Variants in SLC13A3 observed in about 807,000 individuals in gnomAD.
SLC13A3 encodes the protein Na(+)/dicarboxylate cotransporter 3.
Under a neutral mutation model 59.0 loss-of-function variants are expected in SLC13A3, and 40 were observed. The observed-to-expected ratio is 0.68, with a 90% CI of 0.53 to 0.88. The LOEUF (loss-of-function observed/expected upper bound fraction) is 0.88. Ranked by LOEUF, SLC13A3 falls within the 40% of genes least tolerant of loss-of-function variation. The pLI is 0.00. For missense variants in SLC13A3, 699 were observed against 783.2 expected (o/e 0.89, Z 1.28); for synonymous variants, 317 against 330.3 (o/e 0.96, Z 0.44).
chr20:46,566,484 A>T (rs757263886), intron 10 of SLC13A3, 94 bp from the exon 11 acceptor site: 4 of 1,400,534 alleles, frequency 2.9e-6, no homozygotes, highest in Non-Finnish European at 3.9e-6. Context: ...TGACGACCAT[A>T]CCCCTTCCCA....
At chr20:46,614,185 G>A (rs1457952256) in intron 1 of SLC13A3, among the ~76,000 whole-genome samples, 1 of 152,160 alleles carries the variant, frequency 6.6e-6, no homozygotes, top group Non-Finnish European at 1.5e-5. Flanking sequence ...ATTCTGATGG[G>A]GACAGGGCAG....
Position 46,573,666 on chromosome 20 carries a change from A to T in SLC13A3, c.1332+1907T>A, listed in dbSNP as rs115496550. 4.2e-3 allele frequency among the ~76,000 whole-genome samples: 647 copies of T among 152,272 alleles called. 4 individuals carry two copies. Among genetic ancestry groups the T allele is most frequent in the African/African-American group, 0.014 (600 of 41,538 alleles). On this transcript the variant is annotated intron_variant, in intron 10 of 12. Coordinates refer to ENST00000279027, the MANE Select transcript of SLC13A3 (RefSeq NM_022829.6). ...GGCAGTTATTCTTTAATTTTTTCCAACAACCCTGTAGAGTAAGAACTTTGA... is the reference window on the plus strand; with the variant it reads ...GGCAGTTATTCTTTAATTTTTTCCATCAACCCTGTAGAGTAAGAACTTTGA...
chr20:46,629,008 A>C (rs1568945378), intron 1 of SLC13A3, among the ~76,000 whole-genome samples: 1 of 152,252 alleles, frequency 6.6e-6, no homozygotes, highest in Non-Finnish European at 1.5e-5. Flanking sequence ...TGTCTACATC[A>C]CAGAGGATTC....
At chr20:46,620,031 C>T (rs1261552218) in intron 1 of SLC13A3, among the ~76,000 whole-genome samples, 1 of 152,216 alleles carries the variant, frequency 6.6e-6, no homozygotes, top group African/African-American at 2.4e-5. Context: ...CTTCTCCATC[C>T]TCCTAACAAT....
At chr20:46,613,868 T>G (rs2062528833) in intron 1 of SLC13A3, 143 bp from the exon 2 acceptor site, 4 of 703,444 alleles carry the variant, frequency 5.7e-6, no homozygotes, top group Admixed American at 6.1e-5. Context: ...CTGCCCCGGC[T>G]TGTTCTCAGG....
At chr20:46,596,388 A>G (rs1456132926) in intron 4 of SLC13A3, 46 bp from the exon 5 acceptor site, 2 of 1,575,024 alleles carry the variant, frequency 1.3e-6, no homozygotes, top group South Asian at 1.1e-5. Context: ...CATGGAGAAC[A>G]GGCCACAGAC....
rs953826386 is a variant in SLC13A3 at position 46,607,834 on chromosome 20, G to A, written c.541+2612C>T. Reference sequence around the variant, plus strand: ...CAGTTTGGAAACTGCGTAACGGGGGGTGGGAGGACTCTTTTTAATTCCTTC... The same window carrying A: ...CAGTTTGGAAACTGCGTAACGGGGGATGGGAGGACTCTTTTTAATTCCTTC... On this transcript the variant is annotated intron_variant, in intron 3 of 12. Transcript: ENST00000279027. Among the ~76,000 whole-genome samples the A allele has an allele frequency of 5.3e-5, 8 of 152,344 alleles. No homozygotes were observed. The East Asian group carries it at 1.3e-3, about 26-fold the overall frequency.
At chr20:46,574,132 G>T (rs2694876) in intron 10 of SLC13A3, among the ~76,000 whole-genome samples, 134,184 of 152,160 alleles carry the variant, frequency 0.88, 59,474 homozygotes, top group East Asian at 0.99. Context: ...AGTGATAGTA[G>T]CTGATTCAGT....
chr20:46,568,192 G>A (rs959678151), intron 10 of SLC13A3, among the ~76,000 whole-genome samples: 2 of 151,730 alleles, frequency 1.3e-5, no homozygotes, highest in Non-Finnish European at 2.9e-5. Flanking sequence ...TCAGGAGTGC[G>A]AGATCAGACT....
intron 3 of SLC13A3, among the ~76,000 whole-genome samples, chr20:46,609,962 C>T (rs1486889080): frequency 6.6e-6 from 1 of 152,208 alleles, no homozygotes; most frequent in Non-Finnish European, 1.5e-5. Context: ...CCTTAAGAAA[C>T]TCTAACCCAG....
At chr20:46,643,088 T>G (rs2062859910) in intron 1 of SLC13A3, among the ~76,000 whole-genome samples, 1 of 152,002 alleles carries the variant, frequency 6.6e-6, no homozygotes, top group Non-Finnish European at 1.5e-5. Flanking sequence ...GACATACTTA[T>G]GAGCACCTAC....
chr20:46,605,166 T>C (rs918425085), intron 3 of SLC13A3, among the ~76,000 whole-genome samples: 2 of 152,218 alleles, frequency 1.3e-5, no homozygotes, highest in Non-Finnish European at 2.9e-5. Context: ...ATTAGCTTTA[T>C]CATATAAGAT....
chr20:46,666,563 G>A (rs538817950), intron 1 of SLC13A3, among the ~76,000 whole-genome samples: 12 of 152,004 alleles, frequency 7.9e-5, no homozygotes, highest in Admixed American at 2.0e-4. Flanking sequence ...GAGTGCAGTC[G>A]TGTGATCACG....
intron 8 of SLC13A3, 135 bp from the exon 9 acceptor site, chr20:46,583,804 G>T (rs2062163523): frequency 6.7e-7 from 1 of 1,483,600 alleles, no homozygotes. Flanking sequence ...CTGGGCCACT[G>T]GATTCTGTCC....
chr20:46,580,055 A>G (rs1305518219), intron 9 of SLC13A3, among the ~76,000 whole-genome samples: 1 of 151,970 alleles, frequency 6.6e-6, no homozygotes, highest in East Asian at 1.9e-4. Context: ...AACCGGGTTC[A>G]AGCAATTCTT....
chr20:46,606,132 C>T (rs926828685), intron 3 of SLC13A3, among the ~76,000 whole-genome samples: 7 of 152,172 alleles, frequency 4.6e-5, no homozygotes, highest in African/African-American at 1.7e-4. Context: ...GACTGATAGG[C>T]CCTTCACGGA....
At chr20:46,652,691 G>A (rs775996858), upstream of SLC13A3, among the ~76,000 whole-genome samples, 19 of 151,804 alleles carry the variant, frequency 1.3e-4, no homozygotes, top group Non-Finnish European at 1.8e-4. Flanking sequence ...CACCACGCCC[G>A]GCCGTTATTC....
chr20:46,608,680 G>C, intron 3 of SLC13A3: 1 of 559,258 alleles, frequency 1.8e-6, no homozygotes, highest in Non-Finnish European at 2.9e-6. Context: ...CTGTCAGTGA[G>C]ATTAACTTAG....
chr20:46,592,298 A>G, intron 6 of SLC13A3, 106 bp downstream of exon 6: 1 of 1,373,778 alleles, frequency 7.3e-7, no homozygotes, highest in Non-Finnish European at 1.0e-6. Flanking sequence ...AAATGAGAAT[A>G]CAACATGAAA....
Sources: allele counts gnomAD v4.1 joint callset (sites outside exome capture counted in the v4.1 genomes callset), GRCh38; gene constraint gnomAD v4.1.1; transcripts MANE v1.5; gene names NCBI Gene and HGNC (gene_info 2026-07-23, HGNC 2026-07-21).